Variants in SHISA9 observed in about 807,000 individuals in gnomAD.
SHISA9 encodes shisa family member 9, also known as protein shisa-9.
Under a neutral mutation model 38.0 loss-of-function variants are expected in SHISA9, and 13 were observed. The observed-to-expected ratio is 0.34, with a 90% CI of 0.22 to 0.54. The LOEUF (loss-of-function observed/expected upper bound fraction) is 0.54, where lower values mean the gene tolerates loss of function less well. Among genes scored for constraint, SHISA9 ranks in the 20% least tolerant of loss-of-function variants. The pLI is 0.91. For synonymous variants in SHISA9, 275 were observed against 242.0 expected (o/e 1.14, Z -1.27); for missense variants, 538 against 575.8 (o/e 0.93, Z 0.67).
intron 2 of SHISA9, among the ~76,000 whole-genome samples, chr16:12,994,655 T>C (rs986810491): frequency 6.6e-5 from 10 of 152,328 alleles, no homozygotes; most frequent in South Asian, 2.1e-4. Flanking sequence ...GTTGACTCAC[T>C]GTGGTATCCA....
chr16:13,548,381 A>G, the SHISA9 span, among the ~76,000 whole-genome samples: 1 of 152,212 alleles, frequency 6.6e-6, no homozygotes, highest in Admixed American at 6.5e-5. Context: ...TAAATGAAAC[A>G]ACTTCTGTAC....
intron 2 of SHISA9, among the ~76,000 whole-genome samples, chr16:13,066,354 C>T: frequency 6.6e-6 from 1 of 152,076 alleles, no homozygotes. Flanking sequence ...TTTATTTTTT[C>T]TTTTTCCTCT....
intron 2 of SHISA9, among the ~76,000 whole-genome samples, chr16:13,007,421 C>T (rs1412071880): frequency 1.3e-5 from 2 of 152,156 alleles, no homozygotes; most frequent in Non-Finnish European, 2.9e-5. Flanking sequence ...TTTTCCCCAC[C>T]CTCTTTGCAC....
chr16:13,530,041 G>A, the SHISA9 span, among the ~76,000 whole-genome samples: 389 of 152,358 alleles, frequency 2.6e-3, 4 homozygotes, highest in African/African-American at 8.7e-3. Flanking sequence ...GCTCACACCT[G>A]TAATCCCCAC....
chr16:13,298,985 G>A, the SHISA9 span, among the ~76,000 whole-genome samples: 8 of 152,234 alleles, frequency 5.3e-5, no homozygotes, highest in African/African-American at 1.4e-4. Context: ...GACACACTTG[G>A]TTAAACAAGC....
the SHISA9 span, among the ~76,000 whole-genome samples, chr16:13,415,174 A>T: frequency 2.0e-5 from 3 of 152,206 alleles, no homozygotes; most frequent in Non-Finnish European, 4.4e-5. Context: ...TTAAATATGT[A>T]AGGAGGCAGC....
chr16:13,288,210 G>A, the SHISA9 span, among the ~76,000 whole-genome samples: 4 of 152,116 alleles, frequency 2.6e-5, no homozygotes, highest in Non-Finnish European at 5.9e-5. Context: ...AGAAAAATGG[G>A]ACCATGTTGG....
chr16:12,977,292 G>A (rs1270763737), intron 2 of SHISA9, among the ~76,000 whole-genome samples: 1 of 152,116 alleles, frequency 6.6e-6, no homozygotes, highest in Non-Finnish European at 1.5e-5. Context: ...GGGAAGAAGT[G>A]GTGATGGGGA....
At chr16:13,099,514 C>T (rs2073858323) in intron 2 of SHISA9, among the ~76,000 whole-genome samples, 1 of 152,020 alleles carries the variant, frequency 6.6e-6, no homozygotes, top group South Asian at 2.1e-4. Flanking sequence ...AAGAAGATGC[C>T]ATTTCAGCCT....
chr16:13,127,411 AC>A (rs2050271007), intron 2 of SHISA9, among the ~76,000 whole-genome samples: 1 of 141,058 alleles, frequency 7.1e-6, no homozygotes, highest in Admixed American at 7.1e-5. Context: ...AGAGAAGGAG[AC>A]AGAGGAGGAG....
At chr16:13,463,536 T>G in the SHISA9 span, among the ~76,000 whole-genome samples, 1 of 152,182 alleles carries the variant, frequency 6.6e-6, no homozygotes, top group East Asian at 1.9e-4. Flanking sequence ...CTATTGAGAG[T>G]GATAATCTTG....
At chr16:13,296,706 C>A in the SHISA9 span, among the ~76,000 whole-genome samples, 2 of 151,792 alleles carry the variant, frequency 1.3e-5, no homozygotes, top group South Asian at 4.2e-4. Flanking sequence ...GCCTGGCCAA[C>A]ATGGTAAAAC....
Position 13,235,645 on chromosome 16 carries a change from G to A in SHISA9, c.*236G>A. 1.9e-6 allele frequency: 1 copy of A among 513,552 alleles called. No homozygotes were observed. The highest frequency in any genetic ancestry group is 3.2e-5 in the East Asian group (1 of 31,262). The allele number at this position is 513,552 out of a possible 1,614,324, so 31.8% of individuals were successfully genotyped here. A position where few individuals can be genotyped will look rare whatever the true frequency, so the allele number is the denominator to read the frequency against. Reference sequence around the variant, plus strand: ...CGTGGACATTCAGCAATACAGCAAAGGGGAAAATGAGGCACACTCTTTCCA... The same window carrying A: ...CGTGGACATTCAGCAATACAGCAAAAGGGAAAATGAGGCACACTCTTTCCA... On this transcript the variant is annotated 3_prime_UTR_variant, in exon 5 of 5. Transcript: ENST00000558583.
chr16:13,500,055 C>T, the SHISA9 span, among the ~76,000 whole-genome samples: 1 of 152,136 alleles, frequency 6.6e-6, no homozygotes, highest in Non-Finnish European at 1.5e-5. Flanking sequence ...TGTCCCCACC[C>T]AAATCTCATC....
intron 2 of SHISA9, among the ~76,000 whole-genome samples, chr16:12,978,671 T>C (rs1217826416): frequency 6.6e-6 from 1 of 152,202 alleles, no homozygotes; most frequent in Non-Finnish European, 1.5e-5. Context: ...TCACCTTGGA[T>C]GAGGAGATGG....
At chr16:13,196,345 C>T (rs1257984970) in intron 2 of SHISA9, among the ~76,000 whole-genome samples, 42 of 134,622 alleles carry the variant, frequency 3.1e-4, no homozygotes, top group Admixed American at 5.8e-4. Context: ...TGCAGTGAGC[C>T]GAGATTGCAC....
intron 2 of SHISA9, among the ~76,000 whole-genome samples, chr16:13,081,858 A>C (rs561785265): frequency 4.1e-4 from 62 of 152,120 alleles, no homozygotes; most frequent in Non-Finnish European, 8.1e-4. Flanking sequence ...TCTCAAAAAA[A>C]AAAAAAAAAG....
chr16:13,000,911 C>T lies in SHISA9; in HGVS notation c.691+84096C>T, dbSNP rs112746201. On this transcript the variant is annotated intron_variant, in intron 2 of 4. Coordinates refer to ENST00000558583, the MANE Select transcript of SHISA9 (RefSeq NM_001145204.3). ...GCCAGAGAGGGGTCAGGCAACTGCC[C>T]TCATCTTGGGTTGCTTCTTTCTTTC... 6.7e-3 allele frequency among the ~76,000 whole-genome samples: 1,017 copies of T among 152,192 alleles called. 10 individuals are homozygous for T. Among genetic ancestry groups the T allele is most frequent in the African/African-American group, 0.023 (946 of 41,538 alleles).
chr16:13,133,982 C>T (rs57312625), intron 2 of SHISA9, among the ~76,000 whole-genome samples: 5 of 152,192 alleles, frequency 3.3e-5, no homozygotes, highest in Admixed American at 3.3e-4. Flanking sequence ...TTCCTACTGA[C>T]AATGTACTCT....
Sources: gnomAD v4.1 joint callset for allele counts (sites outside exome capture counted in the v4.1 genomes callset) on GRCh38, gnomAD v4.1.1 for gene constraint, MANE v1.5 for transcripts, NCBI Gene and HGNC (gene_info 2026-07-23, HGNC 2026-07-21) for gene names.